The following PTPRD variants were observed in gnomAD, a reference collection of about 807,000 sequenced individuals.
PTPRD encodes the protein protein tyrosine phosphatase receptor type D.
Under a neutral mutation model 214.5 loss-of-function variants are expected in PTPRD, and 34 were observed. The ratio of observed to expected loss-of-function variants is 0.16; its 90% CI spans 0.12 to 0.21. PTPRD has a LOEUF of 0.21. Among genes scored for constraint, PTPRD ranks in the 10% least tolerant of loss-of-function variants. PTPRD has a pLI of 1.00. For missense variants in PTPRD, 2,545 were observed against 2,398.7 expected, an observed-to-expected ratio of 1.06 and a Z score of -1.27; for synonymous variants, 1,128 against 845.7, an observed-to-expected ratio of 1.33 and a Z score of -5.79.
At chr9:9,159,410 T>G (rs1569556068) in intron 10 of PTPRD, among the ~76,000 whole-genome samples, 1 of 152,156 alleles carries the variant, frequency 6.6e-6, no homozygotes, top group Non-Finnish European at 1.5e-5. Flanking sequence ...TGTTTCTATA[T>G]ATGTATAATG....
intron 3 of PTPRD, among the ~76,000 whole-genome samples, chr9:10,043,523 A>T (rs1378153784): frequency 6.6e-6 from 1 of 151,754 alleles, no homozygotes; most frequent in Non-Finnish European, 1.5e-5. Context: ...TTCAGAGGTA[A>T]ATTTGGAGTT....
At chr9:9,671,412 G>T (rs1198379143) in intron 7 of PTPRD, among the ~76,000 whole-genome samples, 1 of 151,106 alleles carries the variant, frequency 6.6e-6, no homozygotes, top group Admixed American at 6.6e-5. Flanking sequence ...TGAGACTACG[G>T]ACTGTGGACT....
At chr9:10,526,365 ATTT>A (rs1199856732) in intron 2 of PTPRD, among the ~76,000 whole-genome samples, 12 of 152,150 alleles carry the variant, frequency 7.9e-5, no homozygotes, top group Admixed American at 2.6e-4. Flanking sequence ...CATTGAACAC[ATTT>A]TTAAGTATAA....
intron 9 of PTPRD, among the ~76,000 whole-genome samples, chr9:9,317,092 A>G (rs1414502593): frequency 2.0e-5 from 3 of 152,110 alleles, no homozygotes; most frequent in African/African-American, 7.2e-5. Flanking sequence ...ATTTTCTATC[A>G]CAATATTTTC....
chr9:9,175,548 G>T (rs113303872), intron 10 of PTPRD, among the ~76,000 whole-genome samples: 2 of 149,046 alleles, frequency 1.3e-5, no homozygotes, highest in Non-Finnish European at 3.0e-5. Flanking sequence ...GCTTGAACCT[G>T]GGAGATGGAG....
intron 5 of PTPRD, among the ~76,000 whole-genome samples, chr9:9,808,546 G>T (rs1287220250): frequency 6.6e-6 from 1 of 152,074 alleles, no homozygotes; most frequent in Non-Finnish European, 1.5e-5. Context: ...GAGACTGCCT[G>T]GGAGACTTTA....
chr9:10,147,801 A>T (rs1330887013), intron 3 of PTPRD, among the ~76,000 whole-genome samples: 1 of 152,108 alleles, frequency 6.6e-6, no homozygotes, highest in African/African-American at 2.4e-5. Context: ...AATTGCTTGA[A>T]CCCGGGAGGC....
At chr9:9,953,071 C>T (rs191755653) in intron 4 of PTPRD, among the ~76,000 whole-genome samples, 2 of 152,164 alleles carry the variant, frequency 1.3e-5, no homozygotes, top group East Asian at 1.9e-4. Context: ...TTGAAAAATG[C>T]AAAAGGTGGT....
intron 11 of PTPRD, among the ~76,000 whole-genome samples, chr9:8,978,500 C>G (rs1421086096): frequency 6.6e-6 from 1 of 152,070 alleles, no homozygotes; most frequent in African/African-American, 2.4e-5. Context: ...TAGGGTGCCT[C>G]TATGCAAAAT....
chr9:8,572,208 C>A (rs2091340022), intron 14 of PTPRD, among the ~76,000 whole-genome samples: 2 of 151,990 alleles, frequency 1.3e-5, no homozygotes, highest in Non-Finnish European at 2.9e-5. Flanking sequence ...GTGGCTCACC[C>A]AAAAGCATAA....
chr9:8,436,858 T>A (rs1278355951), intron 34 of PTPRD, among the ~76,000 whole-genome samples, 169 bp from the exon 35 acceptor site: 1 of 152,202 alleles, frequency 6.6e-6, no homozygotes, highest in Non-Finnish European at 1.5e-5. Context: ...AAGCAGGACA[T>A]GCTCTGGGAA....
intron 3 of PTPRD, among the ~76,000 whole-genome samples, chr9:10,291,837 G>A (rs1021880863): frequency 1.3e-5 from 2 of 152,032 alleles, no homozygotes; most frequent in African/African-American, 2.4e-5. Flanking sequence ...GAGACGTAAA[G>A]AAAATTTGAA....
intron 12 of PTPRD, among the ~76,000 whole-genome samples, chr9:8,726,608 T>A (rs1319787864): frequency 0.061 from 123 of 2,022 alleles, 46 homozygotes; most frequent in African/African-American, 0.22. Flanking sequence ...TATATATATA[T>A]ATATATATAT....
chr9:8,504,206 C>T, intron 23 of PTPRD, 55 bp downstream of exon 23: 1 of 1,589,862 alleles, frequency 6.3e-7, no homozygotes. Context: ...TGAAAGCTAG[C>T]AACATCTCCC....
intron 33 of PTPRD, among the ~76,000 whole-genome samples, chr9:8,460,084 G>A (rs942863852): frequency 6.6e-6 from 1 of 152,072 alleles, no homozygotes; most frequent in Admixed American, 6.6e-5. Context: ...TCAAATGAAA[G>A]CTTGCATGGA....
At chr9:10,244,897 C>T (rs2091825224) in intron 3 of PTPRD, among the ~76,000 whole-genome samples, 1 of 152,082 alleles carries the variant, frequency 6.6e-6, no homozygotes, top group Non-Finnish European at 1.5e-5. Flanking sequence ...GGACTCCAGA[C>T]ATGAGTCTAC....
chr9:10,243,667 T>C (rs898498135), intron 3 of PTPRD, among the ~76,000 whole-genome samples: 3 of 152,002 alleles, frequency 2.0e-5, no homozygotes, highest in South Asian at 4.1e-4. Flanking sequence ...GTTGGAGATA[T>C]ACATAGTAAC....
intron 2 of PTPRD, among the ~76,000 whole-genome samples, chr9:10,566,128 G>A (rs1294281602): frequency 6.6e-6 from 1 of 151,794 alleles, no homozygotes; most frequent in East Asian, 1.9e-4. Context: ...AAATTTCTTT[G>A]CTCAGGTACT....
intron 12 of PTPRD, among the ~76,000 whole-genome samples, chr9:8,731,841 T>A (rs2154433305): frequency 6.6e-6 from 1 of 152,324 alleles, no homozygotes; most frequent in Middle Eastern, 3.4e-3. Flanking sequence ...ATATACTACA[T>A]GGAGGCTGAT....
Sources: gnomAD v4.1 joint callset for allele counts (sites outside exome capture counted in the v4.1 genomes callset) on GRCh38, gnomAD v4.1.1 for gene constraint, MANE v1.5 for transcripts, NCBI Gene and HGNC (gene_info 2026-07-23, HGNC 2026-07-21) for gene names.